TAFA2: variants seen among roughly 807,000 people sequenced by gnomAD.
TAFA2 encodes the protein TAFA chemokine like family member 2.
Under a neutral mutation model 18.8 loss-of-function variants are expected in TAFA2, and 7 were observed. The ratio of observed to expected loss-of-function variants is 0.37; its 90% CI spans 0.21 to 0.70. The LOEUF (loss-of-function observed/expected upper bound fraction) is 0.70. TAFA2 is among the 30% of genes least tolerant of loss of function. The probability of loss-of-function intolerance (pLI) is 0.53; values close to 1 mark genes in which losing one functional copy is unlikely to be tolerated. For missense variants in TAFA2, 122 were observed against 158.1 expected (o/e 0.77, Z 1.23); for synonymous variants, 60 against 54.2 (o/e 1.11, Z -0.47).
chr12:62,207,950 C>T (rs2062699008), intron 1 of TAFA2, among the ~76,000 whole-genome samples: 1 of 152,150 alleles, frequency 6.6e-6, no homozygotes, highest in Non-Finnish European at 1.5e-5. Context: ...AATCCCAGGT[C>T]TTTAATATCT....
intron 2 of TAFA2, among the ~76,000 whole-genome samples, chr12:61,788,416 T>C (rs1181755275): frequency 4.0e-5 from 6 of 151,736 alleles, no homozygotes; most frequent in African/African-American, 1.4e-4. Flanking sequence ...TTTTCTCAAC[T>C]GTAAATGGTA....
Position 62,135,591 on chromosome 12 carries a change from G to A in TAFA2, c.-2+55668C>T, listed in dbSNP as rs139115054. Among the ~76,000 whole-genome samples the A allele has an allele frequency of 1.6e-3, 240 of 151,896 alleles. 1 individual carries two copies. Among genetic ancestry groups the A allele is most frequent in the African/African-American group, 5.6e-3 (233 of 41,440 alleles). ...AAAATTAAACATTAGAAAAAAACAG[G>A]TAATAAAAAATAGATTTCACATATG... On this transcript the variant is annotated intron_variant, in intron 1 of 4. Transcript: ENST00000416284.
At chr12:61,938,845 G>C (rs970683068) in intron 1 of TAFA2, among the ~76,000 whole-genome samples, 4 of 152,026 alleles carry the variant, frequency 2.6e-5, no homozygotes, top group African/African-American at 9.7e-5. Context: ...TTATAAGTGG[G>C]AGCTCAGCTT....
chr12:61,823,103 T>G (rs768460429), intron 2 of TAFA2, among the ~76,000 whole-genome samples: 1 of 152,192 alleles, frequency 6.6e-6, no homozygotes, highest in Admixed American at 6.5e-5. Context: ...TTAGAAACTT[T>G]TTAAAAGAAT....
At chr12:61,955,177 T>C (rs1306366390) in intron 1 of TAFA2, among the ~76,000 whole-genome samples, 1 of 152,180 alleles carries the variant, frequency 6.6e-6, no homozygotes, top group Non-Finnish European at 1.5e-5. Context: ...TGCTATTTAT[T>C]GCTTAATTTA....
intron 1 of TAFA2, among the ~76,000 whole-genome samples, chr12:62,211,296 T>C (rs1367465822): frequency 6.6e-6 from 1 of 151,938 alleles, no homozygotes; most frequent in Non-Finnish European, 1.5e-5. Context: ...AGCAGAAAAA[T>C]GGGCCAGGCA....
At chr12:61,863,060 A>G (rs1052707229) in intron 2 of TAFA2, among the ~76,000 whole-genome samples, 7 of 152,326 alleles carry the variant, frequency 4.6e-5, no homozygotes, top group South Asian at 2.1e-4. Context: ...CATGAGAAAT[A>G]TCCAACTGAA....
intron 1 of TAFA2, among the ~76,000 whole-genome samples, chr12:61,923,385 G>A (rs188039079): frequency 1.3e-5 from 2 of 152,214 alleles, no homozygotes; most frequent in Admixed American, 1.3e-4. Flanking sequence ...GAAAGTTCGA[G>A]AGGAAGGAAC....
At chr12:62,137,750 C>T (rs536456797) in intron 1 of TAFA2, among the ~76,000 whole-genome samples, 2 of 152,228 alleles carry the variant, frequency 1.3e-5, no homozygotes, top group East Asian at 3.9e-4. Context: ...CTCCCTGACC[C>T]TCATACAGCC....
chr12:62,056,873 C>T (rs1047009280), intron 1 of TAFA2, among the ~76,000 whole-genome samples: 13 of 152,164 alleles, frequency 8.5e-5, no homozygotes, highest in African/African-American at 1.9e-4. Context: ...GGCCCGAAGG[C>T]GCTTCTAATC....
chr12:62,107,006 A>T (rs1256736967), intron 1 of TAFA2, among the ~76,000 whole-genome samples: 1 of 152,178 alleles, frequency 6.6e-6, no homozygotes, highest in African/African-American at 2.4e-5. Context: ...AAGCAGAACG[A>T]GAAAGGTTCT....
chr12:62,208,538 T>G lies in TAFA2; in HGVS notation c.-130+50225A>C, dbSNP rs551135435. On this transcript the variant is annotated intron_variant, in intron 1 of 5. Transcript: ENST00000551619. ...AGATCTAAGGATTTCTGCAACTTGG[T>G]AGGCAGCAAGTAAGTAGCTATAAAA... 2.6e-5 allele frequency among the ~76,000 whole-genome samples: 4 copies of G among 152,256 alleles called. No homozygotes were observed. The South Asian group carries it at 6.2e-4, about 24-fold the overall frequency.
chr12:61,997,721 G>A (rs1309851506), intron 1 of TAFA2, among the ~76,000 whole-genome samples: 3 of 151,590 alleles, frequency 2.0e-5, no homozygotes, highest in Non-Finnish European at 2.9e-5. Flanking sequence ...AAGATGAAGG[G>A]AAGAAGAAAC....
At chr12:61,913,199 A>G (rs754841377) in intron 1 of TAFA2, among the ~76,000 whole-genome samples, 1 of 152,162 alleles carries the variant, frequency 6.6e-6, no homozygotes, top group Non-Finnish European at 1.5e-5. Context: ...ATAAATACAT[A>G]GGGAAAGAAG....
chr12:61,963,196 G>A (rs1397447492), intron 1 of TAFA2, among the ~76,000 whole-genome samples: 1 of 152,006 alleles, frequency 6.6e-6, no homozygotes, highest in African/African-American at 2.4e-5. Context: ...ACATGTACGT[G>A]TCTTTATAGT....
intron 2 of TAFA2, among the ~76,000 whole-genome samples, chr12:61,799,807 G>C (rs1243251533): frequency 6.6e-6 from 1 of 152,092 alleles, no homozygotes; most frequent in East Asian, 1.9e-4. Flanking sequence ...GGGCGACAGA[G>C]CAAGACTCCG....
intron 2 of TAFA2, among the ~76,000 whole-genome samples, chr12:61,834,881 T>G (rs1872857096): frequency 6.6e-6 from 1 of 152,080 alleles, no homozygotes. Context: ...CCAATTATTC[T>G]TTACCTTAAA....
At chr12:61,721,955 CAA>C (rs11285316) in intron 4 of TAFA2, among the ~76,000 whole-genome samples, 117 of 147,064 alleles carry the variant, frequency 8.0e-4, no homozygotes, top group Non-Finnish European at 9.2e-4. Flanking sequence ...GACTCTCTCT[CAA>C]AAAAAAAAAA....
intron 1 of TAFA2, among the ~76,000 whole-genome samples, chr12:61,990,590 C>T (rs754482747): frequency 7.5e-5 from 11 of 147,606 alleles, no homozygotes; most frequent in Non-Finnish European, 1.0e-4. Flanking sequence ...CCACCCGCCT[C>T]GGCCTCCCAA....
Sources: gnomAD v4.1 joint callset for allele counts (sites outside exome capture counted in the v4.1 genomes callset) on GRCh38, gnomAD v4.1.1 for gene constraint, MANE v1.5 for transcripts, NCBI Gene and HGNC (gene_info 2026-07-23, HGNC 2026-07-21) for gene names.